DNAJC1: variants seen among roughly 807,000 people sequenced by gnomAD.
DNAJC1 encodes DnaJ heat shock protein family (Hsp40) member C1, also known as dnaJ homolog subfamily C member 1.
A neutral mutation model predicts 76.6 loss-of-function variants in DNAJC1; 58 were observed. The ratio of observed to expected loss-of-function variants is 0.76; its 90% CI spans 0.61 to 0.94. The LOEUF (loss-of-function observed/expected upper bound fraction) is 0.94. Ranked by LOEUF, DNAJC1 falls within the 40% of genes least tolerant of loss-of-function variation. The pLI is 0.00. For missense variants in DNAJC1, 689 were observed against 677.3 expected, an observed-to-expected ratio of 1.02 and a Z score of -0.19; for synonymous variants, 258 against 267.9, an observed-to-expected ratio of 0.96 and a Z score of 0.36.
chr10:21,942,145 T>A (rs1052384546), intron 1 of DNAJC1, among the ~76,000 whole-genome samples: 1 of 151,788 alleles, frequency 6.6e-6, no homozygotes, highest in African/African-American at 2.4e-5. Flanking sequence ...AAAACACAGA[T>A]GAAGAAAAAC....
intron 7 of DNAJC1, among the ~76,000 whole-genome samples, chr10:21,896,955 T>C (rs745545069): frequency 1.2e-4 from 18 of 152,178 alleles, no homozygotes; most frequent in Non-Finnish European, 2.4e-4. Context: ...TGAGGACATG[T>C]GTTTGTGCCC....
intron 1 of DNAJC1, among the ~76,000 whole-genome samples, chr10:21,943,989 C>T (rs914885007): frequency 4.5e-4 from 68 of 152,172 alleles, no homozygotes; most frequent in Non-Finnish European, 5.0e-4. Flanking sequence ...TATCTCATTT[C>T]CACCTTCTAA....
At chr10:21,771,883 T>G (rs1257236969) in intron 9 of DNAJC1, among the ~76,000 whole-genome samples, 1 of 152,240 alleles carries the variant, frequency 6.6e-6, no homozygotes, top group Non-Finnish European at 1.5e-5. Flanking sequence ...TTGAGATGTT[T>G]AACCAACCTT....
chr10:21,870,056 A>G (rs983608607), intron 8 of DNAJC1, among the ~76,000 whole-genome samples: 8 of 152,076 alleles, frequency 5.3e-5, no homozygotes, highest in Non-Finnish European at 2.9e-5. Flanking sequence ...AAAATCCTAA[A>G]AAGATAGCAA....
chr10:21,918,758 T>C (rs751891454), intron 6 of DNAJC1, 21 bp downstream of exon 6: 16 of 1,550,984 alleles, frequency 1.0e-5, no homozygotes, highest in African/African-American at 5.4e-5. Flanking sequence ...TCTAATGTTA[T>C]ATAAAAGAGG....
intron 9 of DNAJC1, among the ~76,000 whole-genome samples, chr10:21,769,812 G>A (rs1336651133): frequency 6.6e-6 from 1 of 152,016 alleles, no homozygotes; most frequent in Admixed American, 6.6e-5. Flanking sequence ...TCAGCCTCCT[G>A]AGTAGCTGGG....
intron 6 of DNAJC1, among the ~76,000 whole-genome samples, chr10:21,910,458 G>A (rs1436562643): frequency 6.6e-6 from 1 of 152,052 alleles, no homozygotes; most frequent in Non-Finnish European, 1.5e-5. Flanking sequence ...ACATGCTAAG[G>A]TGGCACTGTT....
chr10:21,996,002 T>C (rs1053470231), intron 1 of DNAJC1, among the ~76,000 whole-genome samples: 13 of 152,214 alleles, frequency 8.5e-5, no homozygotes, highest in Admixed American at 2.6e-4. Flanking sequence ...TGTAATCATA[T>C]TTTTACATTC....
At chr10:21,818,173 C>T (rs577834253) in intron 8 of DNAJC1, among the ~76,000 whole-genome samples, 1 of 152,224 alleles carries the variant, frequency 6.6e-6, no homozygotes, top group African/African-American at 2.4e-5. Flanking sequence ...AAGGAACGTC[C>T]CTGAGAAAGA....
rs564367343 is a variant in DNAJC1, at chr10:21,793,089, C to T, written c.1098+12891G>A. Among the ~76,000 whole-genome samples the T allele has an allele frequency of 1.3e-4, 20 of 152,016 alleles. No homozygotes were observed. The South Asian group carries it at 3.5e-3, about 27-fold the overall frequency. ...GGGAGGCCAAGGAGGGCAGATCATC[C>T]GAGGTCAGGAGTTCAAGACCAGTCT... is the stretch of plus-strand genomic sequence containing the variant. On this transcript the variant is annotated intron_variant, in intron 9 of 11. Transcript: ENST00000376980.
intron 1 of DNAJC1, among the ~76,000 whole-genome samples, chr10:21,955,776 C>G (rs2131812156): frequency 6.6e-6 from 1 of 152,200 alleles, no homozygotes; most frequent in Non-Finnish European, 1.5e-5. Flanking sequence ...TTAGCATCTC[C>G]ATATGCTTAC....
At chr10:21,958,219 T>C (rs1320170636) in intron 1 of DNAJC1, among the ~76,000 whole-genome samples, 1 of 152,176 alleles carries the variant, frequency 6.6e-6, no homozygotes, top group East Asian at 1.9e-4. Context: ...ATCCAAATGA[T>C]TGAGAAATGA....
At position 21,875,871 on chromosome 10, in the gene DNAJC1, G is replaced by C. The variant is rs146418024; in HGVS notation, c.978+6411C>G. Among the ~76,000 whole-genome samples, 710 of 152,212 alleles carry C rather than the reference G, an allele frequency of 4.7e-3. 1 individual carries two copies. The highest frequency in any genetic ancestry group is 7.6e-3 in the Non-Finnish European group (516 of 68,010). On this transcript the variant is annotated intron_variant, in intron 8 of 11. Transcript: ENST00000376980. ...ACCTGGGAGGCGGAGGTTGCAGCGA[G>C]GTGAGATCATGCTGTTGCACTTCAG... is the stretch of plus-strand genomic sequence containing the variant.
At chr10:21,976,896 C>CACTAGGCTCCCCTATTTCTCTTT (rs1401494017) in intron 1 of DNAJC1, among the ~76,000 whole-genome samples, 1 of 152,150 alleles carries the variant, frequency 6.6e-6, no homozygotes, top group Non-Finnish European at 1.5e-5. Context: ...CCGGCCCACC[C>CACTAGGCTCCCCTATTTCTCTTT]ACTAGGCTCC....
chr10:21,846,846 C>T (rs1835667792), intron 8 of DNAJC1, among the ~76,000 whole-genome samples: 1 of 150,856 alleles, frequency 6.6e-6, no homozygotes, highest in Admixed American at 6.6e-5. Context: ...ATAAACATTT[C>T]CATATCAAAG....
At chr10:21,852,739 G>T (rs1453335078) in intron 8 of DNAJC1, among the ~76,000 whole-genome samples, 7 of 151,300 alleles carry the variant, frequency 4.6e-5, no homozygotes, top group Admixed American at 1.3e-4. Flanking sequence ...TTTATTGATT[G>T]AACTAACGAA....
chr10:21,812,594 G>C (rs1484432561), intron 8 of DNAJC1, among the ~76,000 whole-genome samples: 5 of 151,830 alleles, frequency 3.3e-5, no homozygotes, highest in African/African-American at 1.2e-4. Context: ...TAGAGACAGA[G>C]CCTTGCTCTG....
intron 1 of DNAJC1, among the ~76,000 whole-genome samples, chr10:21,979,494 A>G (rs957667852): frequency 6.6e-6 from 1 of 152,050 alleles, no homozygotes; most frequent in African/African-American, 2.4e-5. Flanking sequence ...ATGAGTGCTT[A>G]TAAGGTTCCA....
intron 1 of DNAJC1, 23 bp from the exon 2 acceptor site, chr10:21,929,164 A>C: frequency 6.5e-7 from 1 of 1,531,734 alleles, no homozygotes; most frequent in South Asian, 1.2e-5. Context: ...GGGGGAGGGG[A>C]AAATACAAAG....
Sources: allele counts gnomAD v4.1 joint callset (sites outside exome capture counted in the v4.1 genomes callset), GRCh38; gene constraint gnomAD v4.1.1; transcripts MANE v1.5; gene names NCBI Gene and HGNC (gene_info 2026-07-23, HGNC 2026-07-21).